Variants in ADAMDEC1 observed in about 807,000 individuals in gnomAD.
The protein encoded by ADAMDEC1 is ADAM like decysin 1, also known as ADAM DEC1.
A neutral mutation model predicts 60.4 loss-of-function variants in ADAMDEC1; 62 were observed. The ratio of observed to expected loss-of-function variants is 1.03; its 90% CI spans 0.84 to 1.27. The LOEUF (loss-of-function observed/expected upper bound fraction) is 1.27, where lower values mean the gene tolerates loss of function less well. ADAMDEC1 is among the 50% of genes most tolerant of loss of function. The pLI is 0.00. For synonymous variants in ADAMDEC1, 210 were observed against 195.1 expected (o/e 1.08, Z -0.64); for missense variants, 595 against 565.0 (o/e 1.05, Z -0.54).
At chr8:24,386,672 A>G (rs1166390195) in intron 1 of ADAMDEC1, among the ~76,000 whole-genome samples, 1 of 152,066 alleles carries the variant, frequency 6.6e-6, no homozygotes, top group African/African-American at 2.4e-5. Flanking sequence ...CCTCCTTCCT[A>G]CTGTATCTAT....
At chr8:24,395,551 G>A (rs1258376881) in intron 4 of ADAMDEC1, among the ~76,000 whole-genome samples, 169 bp from the exon 5 acceptor site, 2 of 152,196 alleles carry the variant, frequency 1.3e-5, no homozygotes, top group African/African-American at 4.8e-5. Flanking sequence ...TTGTGTTTCT[G>A]AGGATTGGTC....
intron 13 of ADAMDEC1, 85 bp from the exon 14 acceptor site, chr8:24,405,207 C>A (rs1316147176): frequency 7.9e-7 from 1 of 1,273,670 alleles, no homozygotes; most frequent in Non-Finnish European, 1.1e-6. Context: ...AATTTAAATT[C>A]TATACATTTT....
intron 3 of ADAMDEC1, among the ~76,000 whole-genome samples, chr8:24,393,544 C>T (rs1193378651): frequency 6.6e-6 from 1 of 152,174 alleles, no homozygotes; most frequent in African/African-American, 2.4e-5. Flanking sequence ...ATATAAATGA[C>T]TTTCTTCCTT....
chr8:24,402,102 A>G lies in ADAMDEC1; in HGVS notation c.1320+10A>G. On this transcript the variant is annotated intron_variant, in intron 12 of 13. Transcript: ENST00000256412. ...TTGTGGCTCTCCTAAGGTATTATTTATTAGAATTATTGGGGCAGAAGAATT... is the reference window on the plus strand; with the variant it reads ...TTGTGGCTCTCCTAAGGTATTATTTGTTAGAATTATTGGGGCAGAAGAATT... The G allele has an allele frequency of 1.3e-6, 2 of 1,577,236 alleles. No homozygotes were observed. Among genetic ancestry groups the G allele is most frequent in the Non-Finnish European group, 1.7e-6 (2 of 1,162,446 alleles).
At chr8:24,394,045 C>T in intron 3 of ADAMDEC1, 24 bp from the exon 4 acceptor site, 3 of 1,552,380 alleles carry the variant, frequency 1.9e-6, no homozygotes, top group Non-Finnish European at 2.7e-6. Flanking sequence ...CTGAGTGGTC[C>T]ATGCAGCTCT....
intron 1 of ADAMDEC1, among the ~76,000 whole-genome samples, chr8:24,389,393 A>G (rs1200508738): frequency 6.6e-6 from 1 of 152,118 alleles, no homozygotes; most frequent in Non-Finnish European, 1.5e-5. Context: ...CCTTCAAAAT[A>G]TATCCAATAT....
At chr8:24,394,038 A>G in intron 3 of ADAMDEC1, 31 bp from the exon 4 acceptor site, 4 of 1,475,916 alleles carry the variant, frequency 2.7e-6, no homozygotes, top group Non-Finnish European at 3.8e-6. Context: ...TACCATCCTG[A>G]GTGGTCCATG....
intron 1 of ADAMDEC1, 32 bp from the exon 2 acceptor site, chr8:24,392,230 C>A (rs1179229212): frequency 1.3e-6 from 2 of 1,521,770 alleles, no homozygotes; most frequent in East Asian, 4.5e-5. Context: ...ACCTTTAAAT[C>A]TTTTATGTGA....
At chr8:24,403,465 C>T (rs1386701939) in intron 12 of ADAMDEC1, among the ~76,000 whole-genome samples, 1 of 151,956 alleles carries the variant, frequency 6.6e-6, no homozygotes, top group African/African-American at 2.4e-5. Flanking sequence ...AATGTCAAGT[C>T]TCTTCATTGT....
intron 11 of ADAMDEC1, 46 bp downstream of exon 11, chr8:24,400,346 T>A (rs749247332): frequency 6.5e-7 from 1 of 1,549,656 alleles, no homozygotes; most frequent in South Asian, 1.3e-5. Context: ...TTCCAAATCT[T>A]TTTTTTTTCT....
At chr8:24,397,566 T>C in intron 6 of ADAMDEC1, 110 bp downstream of exon 6, 4 of 1,466,224 alleles carry the variant, frequency 2.7e-6, no homozygotes, top group Non-Finnish European at 3.7e-6. Flanking sequence ...AAGCCTATAA[T>C]TTATTTACTT....
intron 1 of ADAMDEC1, chr8:24,390,305 C>A: frequency 1.6e-6 from 1 of 614,810 alleles, no homozygotes; most frequent in Non-Finnish European, 2.3e-6. Context: ...TGATTTGAGA[C>A]ATCATAGTTA....
chr8:24,399,565 T>C, intron 10 of ADAMDEC1, 91 bp downstream of exon 10: 1 of 1,077,364 alleles, frequency 9.3e-7, no homozygotes, highest in South Asian at 1.3e-5. Context: ...AAATGAACAT[T>C]TGCTGAATCA....
At chr8:24,403,802 CTTT>C (rs1399118761) in intron 12 of ADAMDEC1, among the ~76,000 whole-genome samples, 198 bp from the exon 13 acceptor site, 1 of 152,010 alleles carries the variant, frequency 6.6e-6, no homozygotes, top group African/African-American at 2.4e-5. Flanking sequence ...TATTTCTCAC[CTTT>C]TGAGAAGTCT....
intron 9 of ADAMDEC1, 102 bp from the exon 10 acceptor site, chr8:24,399,291 A>G (rs1345930396): frequency 7.8e-7 from 1 of 1,274,904 alleles, no homozygotes; most frequent in East Asian, 2.3e-5. Flanking sequence ...TAGTGAATAT[A>G]AAAAGGCTAG....
In ADAMDEC1 at chr8:24,384,496, C is replaced by T. The variant is rs1817242881; in HGVS notation, c.-9C>T. Reference sequence around the variant, plus strand: ...AGATAAAACTGGACACTGGGGAGACCACAACTTCATGCTGCGTGGGATCTC... The same window carrying T: ...AGATAAAACTGGACACTGGGGAGACTACAACTTCATGCTGCGTGGGATCTC... On this transcript the variant is annotated 5_prime_UTR_variant, in exon 1 of 14. Transcript: ENST00000256412. 6.3e-7 allele frequency: 1 copy of T among 1,599,800 alleles called. No individual in the cohort carries two copies. Among genetic ancestry groups the T allele is most frequent in the East Asian group, 2.3e-5 (1 of 44,186 alleles).
chr8:24,390,929 G>C (rs1817430312), intron 1 of ADAMDEC1, among the ~76,000 whole-genome samples: 1 of 152,044 alleles, frequency 6.6e-6, no homozygotes, highest in Non-Finnish European at 1.5e-5. Flanking sequence ...GATATTTTGA[G>C]GGCTCTTCCA....
intron 1 of ADAMDEC1, chr8:24,389,997 C>T (rs1204522696): frequency 4.6e-5 from 15 of 322,786 alleles, no homozygotes; most frequent in Non-Finnish European, 8.8e-5. Context: ...ATCTTCCAAC[C>T]TGTAAATAAT....
rs1427349996 is a variant in ADAMDEC1 at position 24,402,102 on chromosome 8, A to T, written c.1320+10A>T. 6.3e-7 allele frequency: 1 copy of T among 1,577,118 alleles called. No homozygotes were observed. The highest frequency in any genetic ancestry group is 1.4e-5 in the African/African-American group (1 of 72,820). ...TTGTGGCTCTCCTAAGGTATTATTT[A>T]TTAGAATTATTGGGGCAGAAGAATT... On this transcript the variant is annotated intron_variant, in intron 12 of 13. Coordinates refer to ENST00000256412, the MANE Select transcript of ADAMDEC1 (RefSeq NM_014479.3).
Sources: allele counts gnomAD v4.1 joint callset (sites outside exome capture counted in the v4.1 genomes callset), GRCh38; gene constraint gnomAD v4.1.1; transcripts MANE v1.5; gene names NCBI Gene and HGNC (gene_info 2026-07-23, HGNC 2026-07-21).